The following BNIP5 variants were observed in gnomAD, a reference collection of about 807,000 sequenced individuals.
BNIP5 encodes protein BNIP5.
Under a neutral mutation model 67.3 loss-of-function variants are expected in BNIP5, and 61 were observed. The ratio of observed to expected loss-of-function variants is 0.91; its 90% CI spans 0.74 to 1.12. The LOEUF (loss-of-function observed/expected upper bound fraction) is 1.12. Ranked by LOEUF, BNIP5 falls within the 50% of genes most tolerant of loss-of-function variation. The pLI is 0.00. For missense variants in BNIP5, 826 were observed against 816.3 expected, an observed-to-expected ratio of 1.01 and a Z score of -0.14; for synonymous variants, 317 against 319.0, an observed-to-expected ratio of 0.99 and a Z score of 0.07.
At chr6:36,323,598 G>A in intron 7 of BNIP5, 65 bp from the exon 8 acceptor site, 1 of 1,589,916 alleles carries the variant, frequency 6.3e-7, no homozygotes, top group South Asian at 1.1e-5. Context: ...AGGTGAGGTG[G>A]GGAAAGAGAG....
At position 36,327,033 on chromosome 6, in the gene BNIP5, T is replaced by C. The variant is rs375062610; in HGVS notation, c.789A>G (p.Glu263=). ...ACCTGCAAAGTTTACTCCTCACCTC[T>C]TCTTCCCACTGGTCTCCCACTCTTT... The part of the protein sequence containing the change: ...LLKRVGDQWE[E]EQSLASQLGV... Residue 263 remains glutamate, a synonymous_variant, in exon 4 of 12, where the codon GAA becomes GAG. Coordinates refer to ENST00000437635, the MANE Select transcript of BNIP5 (RefSeq NM_001010903.5). 7.9e-5 allele frequency: 127 copies of C among 1,613,854 alleles called. No homozygotes were observed. The highest frequency in any genetic ancestry group is 1.1e-4 in the Non-Finnish European group (125 of 1,179,818).
intron 3 of BNIP5, among the ~76,000 whole-genome samples, chr6:36,328,198 C>T (rs985467799): frequency 6.6e-6 from 1 of 152,114 alleles, no homozygotes; most frequent in Admixed American, 6.6e-5. Flanking sequence ...CAAAATGATA[C>T]CCACACAAAG....
At chr6:36,324,575 TTATA>T (rs58409463) in intron 6 of BNIP5, among the ~76,000 whole-genome samples, 2 of 50,832 alleles carry the variant, frequency 3.9e-5, no homozygotes, top group Non-Finnish European at 7.7e-5. Context: ...GACGGTGATA[TTATA>T]TATATATATA....
Position 36,319,555 on chromosome 6 carries a change from A to G in BNIP5, c.1724T>C (p.Leu575Pro). ...GCGCAGGGTGGCTACCAGCTTGCTG[A>G]GGGAGGAGTCCGAGAACTCGTAAAA... ...RFFYEFSDSSLSKLVATLRSQ... is the reference protein window; with the variant it reads ...RFFYEFSDSSPSKLVATLRSQ... Residue 575 changes from leucine to proline, a missense_variant, in exon 11 of 12, where the codon CTC becomes CCC. Coordinates refer to ENST00000437635, the MANE Select transcript of BNIP5 (RefSeq NM_001010903.5). 1 of 1,614,094 alleles carries G rather than the reference A, an allele frequency of 6.2e-7. No homozygotes were observed. Among genetic ancestry groups the G allele is most frequent in the Non-Finnish European group, 8.5e-7 (1 of 1,179,988 alleles).
rs1481147366 is a variant in BNIP5 at position 36,315,893 on chromosome 6, G to T, written c.*1463C>A. 6.6e-6 allele frequency: 1 copy of T among 152,620 alleles called. No individual in the cohort carries two copies. Among genetic ancestry groups the T allele is most frequent in the African/African-American group, 2.4e-5 (1 of 41,422 alleles). 9.5% of individuals were successfully genotyped at this position (152,620 alleles called of 1,614,324 possible). On this transcript the variant is annotated 3_prime_UTR_variant, in exon 12 of 12. Coordinates refer to ENST00000437635, the MANE Select transcript of BNIP5 (RefSeq NM_001010903.5). ...TCCAAATAAGAAACTATGTACAAAA[G>T]GTTCCTGACCTTCATTTCATAACTT...
At chr6:36,317,446 C>A (rs1561879566) in intron 11 of BNIP5, 55 bp from the exon 12 acceptor site, 3 of 1,503,936 alleles carry the variant, frequency 2.0e-6, no homozygotes, top group South Asian at 2.3e-5. Context: ...TTTATGGGTT[C>A]ATTCTGGAAA....
Position 36,330,611 on chromosome 6 carries a change from T to C in BNIP5, c.80A>G (p.Lys27Arg). ...RSLDRPQAPG[K>R]GSESWDCHWL... Reference sequence around the variant, plus strand: ...ATGGCAGTCCCACGACTCCGAGCCTTTCCCGGGGGCCTGCGGCCTGTCCAG... The same window carrying C: ...ATGGCAGTCCCACGACTCCGAGCCTCTCCCGGGGGCCTGCGGCCTGTCCAG... Residue 27 changes from lysine to arginine, a missense_variant, in exon 2 of 12, where the codon AAA (lysine) becomes AGA (arginine). By Grantham distance (26) the Lys-to-Arg change is conservative. Coordinates refer to ENST00000437635, the MANE Select transcript of BNIP5 (RefSeq NM_001010903.5). The C allele has an allele frequency of 1.9e-6, 3 of 1,610,880 alleles. No individual in the cohort carries two copies. The highest frequency in any genetic ancestry group is 2.5e-6 in the Non-Finnish European group (3 of 1,179,984).
intron 1 of BNIP5, among the ~76,000 whole-genome samples, chr6:36,334,248 G>A (rs1771966315): frequency 6.6e-6 from 1 of 152,212 alleles, no homozygotes; most frequent in South Asian, 2.1e-4. Flanking sequence ...GAGCCCCCGG[G>A]GAGATGAGAG....
intron 1 of BNIP5, among the ~76,000 whole-genome samples, chr6:36,332,030 G>A (rs1771918444): frequency 6.6e-6 from 1 of 152,018 alleles, no homozygotes. Context: ...TGCAGCTGTG[G>A]GGGCTTTTAA....
In BNIP5 at chr6:36,323,390, TGCCCCC is replaced by T; in HGVS notation, c.1368_1373del (p.Gly457_Ala458del). On this transcript the variant is annotated inframe_deletion, in exon 8 of 12. Transcript: ENST00000437635. ...GGGCCTCTGGGCTGGCAGCCCCTGC[TGCCCCC>T]GCTCTTCTGGGTTCCTTGGAGGTGT... is the stretch of plus-strand genomic sequence containing the variant. 8 of 1,614,276 alleles carry T rather than the reference TGCCCCC, an allele frequency of 5.0e-6. No homozygotes were observed. Among genetic ancestry groups the T allele is most frequent in the Non-Finnish European group, 6.8e-6 (8 of 1,180,048 alleles).
intron 8 of BNIP5, 96 bp from the exon 9 acceptor site, chr6:36,322,538 G>T: frequency 7.4e-7 from 1 of 1,359,368 alleles, no homozygotes; most frequent in Non-Finnish European, 1.0e-6. Context: ...GCAGGGGCTG[G>T]TTTCCAGGCT....
At chr6:36,324,643 A>G (rs1301884475) in intron 6 of BNIP5, among the ~76,000 whole-genome samples, 10 of 66,070 alleles carry the variant, frequency 1.5e-4, no homozygotes, top group African/African-American at 3.1e-4. Context: ...ATATATATAT[A>G]TATATGTTTC....
Position 36,319,539 on chromosome 6 carries a change from G to A in BNIP5, c.1740C>T (p.Ala580=), listed in dbSNP as rs1321997268. The change falls in exon 11 of 12, where the codon GCC becomes GCT. Residue 580 remains alanine, a synonymous_variant. Transcript: ENST00000437635. The stretch of plus-strand genomic sequence containing the variant: ...AGTGAGCCACCTGGCTGCGCAGGGT[G>A]GCTACCAGCTTGCTGAGGGAGGAGT... ...FSDSSLSKLV[A]TLRSQVAHSS... 1.2e-6 allele frequency: 2 copies of A among 1,614,134 alleles called. No individual in the cohort carries two copies. Among genetic ancestry groups the A allele is most frequent in the East Asian group, 4.5e-5 (2 of 44,878 alleles).
intron 3 of BNIP5, among the ~76,000 whole-genome samples, chr6:36,327,865 C>G (rs764262443): frequency 8.6e-5 from 13 of 150,392 alleles, no homozygotes; most frequent in South Asian, 2.1e-4. Flanking sequence ...CTCCTAACTT[C>G]CCTGTCACTT....
rs1771537897 is a variant in BNIP5, at chr6:36,317,157, CCT to C, written c.*197_*198del. 2 of 617,458 alleles carry C rather than the reference CCT, an allele frequency of 3.2e-6. No homozygotes were observed. The highest frequency in any genetic ancestry group is 5.8e-6 in the Non-Finnish European group (2 of 345,108). The allele number at this position is 617,458 out of a possible 1,614,324, so 38.2% of individuals were successfully genotyped here. A position where few individuals can be genotyped will look rare whatever the true frequency, so the allele number is the denominator to read the frequency against. ...CCAGTGCTGATTTCCCCAGACATGG[CCT>C]CTGTGTCTTGCCTTGTGGAAGAATG... On this transcript the variant is annotated 3_prime_UTR_variant, in exon 12 of 12. Transcript: ENST00000437635.
intron 9 of BNIP5, among the ~76,000 whole-genome samples, chr6:36,322,038 T>A (rs576810071): frequency 6.6e-6 from 1 of 152,306 alleles, no homozygotes; most frequent in South Asian, 2.1e-4. Context: ...CGGAGCAAGC[T>A]AGGAATTTCA....
intron 4 of BNIP5, 57 bp from the exon 5 acceptor site, chr6:36,326,810 C>T: frequency 2.5e-6 from 4 of 1,606,504 alleles, no homozygotes; most frequent in Non-Finnish European, 8.5e-7. Flanking sequence ...GGGGAAAGCT[C>T]TCTGGAGGCA....
chr6:36,324,254 C>A, intron 6 of BNIP5, 64 bp from the exon 7 acceptor site: 1 of 1,441,778 alleles, frequency 6.9e-7, no homozygotes, highest in Non-Finnish European at 9.7e-7. Context: ...GGTCAGTCTT[C>A]ATTTCCTAAT....
At chr6:36,324,015 A>AT (rs1771697203) in intron 7 of BNIP5, 114 bp downstream of exon 7, 8 of 779,276 alleles carry the variant, frequency 1.0e-5, no homozygotes, top group Non-Finnish European at 1.5e-5. Flanking sequence ...AAAAAAAAAA[A>AT]GGAGGGACTG....
Sources: gnomAD v4.1 joint callset for allele counts (sites outside exome capture counted in the v4.1 genomes callset) on GRCh38, gnomAD v4.1.1 for gene constraint, MANE v1.5 for transcripts, NCBI Gene and HGNC (gene_info 2026-07-23, HGNC 2026-07-21) for gene names.